ATP9A: variants seen among roughly 807,000 people sequenced by gnomAD.
ATP9A encodes the protein probable phospholipid-transporting ATPase IIA.
In ATP9A, 52 loss-of-function variants were observed where a neutral mutation model predicts 144.1. The ratio of observed to expected loss-of-function variants is 0.36; its 90% CI spans 0.29 to 0.45. The LOEUF (loss-of-function observed/expected upper bound fraction) is 0.45, where lower values mean the gene tolerates loss of function less well. Ranked by LOEUF, ATP9A falls within the 20% of genes least tolerant of loss-of-function variation. The pLI is 1.00. For synonymous variants in ATP9A, 582 were observed against 557.4 expected, an observed-to-expected ratio of 1.04 and a Z score of -0.62; for missense variants, 947 against 1,392.7, an observed-to-expected ratio of 0.68 and a Z score of 5.09.
At chr20:51,615,587 A>G (rs903183007) in intron 22 of ATP9A, among the ~76,000 whole-genome samples, 5 of 152,242 alleles carry the variant, frequency 3.3e-5, no homozygotes, top group African/African-American at 1.2e-4. Context: ...AGTGTTACTC[A>G]TTTGATGCAG....
chr20:51,746,904 G>A (rs2122896934), intron 1 of ATP9A, among the ~76,000 whole-genome samples: 1 of 152,066 alleles, frequency 6.6e-6, no homozygotes, highest in South Asian at 2.1e-4. Flanking sequence ...TACTCCAGAG[G>A]CTGAGGCAGG....
chr20:51,691,559 C>A (rs920669218), intron 7 of ATP9A, among the ~76,000 whole-genome samples: 13 of 152,164 alleles, frequency 8.5e-5, no homozygotes, highest in African/African-American at 2.7e-4. Flanking sequence ...AGTAAGAACG[C>A]CTCCCACCCG....
intron 23 of ATP9A, 98 bp from the exon 24 acceptor site, chr20:51,610,263 G>T: frequency 2.2e-6 from 2 of 919,226 alleles, no homozygotes; most frequent in African/African-American, 1.6e-5. Context: ...TAACACCCGC[G>T]CCGGCACTGC....
chr20:51,654,440 C>A (rs1253004975), intron 14 of ATP9A, among the ~76,000 whole-genome samples: 2 of 151,886 alleles, frequency 1.3e-5, no homozygotes. Context: ...ACTTTAGGAG[C>A]CCCATTCTTC....
At chr20:51,736,259 C>T (rs866085324) in intron 1 of ATP9A, among the ~76,000 whole-genome samples, 2 of 152,084 alleles carry the variant, frequency 1.3e-5, no homozygotes, top group Admixed American at 6.6e-5. Context: ...AGATGGGGGG[C>T]GGACAACACA....
At chr20:51,651,336 A>G (rs1973926) in intron 14 of ATP9A, among the ~76,000 whole-genome samples, 1 of 80,732 alleles carries the variant, frequency 1.2e-5, no homozygotes, top group South Asian at 3.8e-4. Context: ...ATATTTACAT[A>G]ATATATTATA....
At chr20:51,737,836 G>A (rs764347000) in intron 1 of ATP9A, among the ~76,000 whole-genome samples, 3 of 152,020 alleles carry the variant, frequency 2.0e-5, no homozygotes, top group Non-Finnish European at 4.4e-5. Context: ...ACACCTCCAC[G>A]GGACAGGCAG....
chr20:51,765,813 C>T (rs1005404375), intron 1 of ATP9A, among the ~76,000 whole-genome samples: 2 of 151,880 alleles, frequency 1.3e-5, no homozygotes, highest in African/African-American at 4.8e-5. Flanking sequence ...AAAGATTAGC[C>T]GGGAGTGGTA....
intron 1 of ATP9A, among the ~76,000 whole-genome samples, chr20:51,764,126 G>A (rs945090591): frequency 6.6e-6 from 1 of 152,172 alleles, no homozygotes; most frequent in African/African-American, 2.4e-5. Flanking sequence ...AAAAAACTAT[G>A]AGATACATAA....
intron 4 of ATP9A, among the ~76,000 whole-genome samples, chr20:51,703,987 G>T (rs144642964): frequency 2.7e-4 from 41 of 152,152 alleles, no homozygotes; most frequent in African/African-American, 8.9e-4. Flanking sequence ...ATTTCCTGAG[G>T]TTGACATTAA....
chr20:51,604,386 G>T (rs983012445), intron 27 of ATP9A, among the ~76,000 whole-genome samples: 2 of 152,106 alleles, frequency 1.3e-5, no homozygotes, highest in Non-Finnish European at 2.9e-5. Flanking sequence ...GCTCTATCAG[G>T]ACACAGCAGC....
chr20:51,746,208 A>G lies in ATP9A; in HGVS notation c.69-16230T>C, dbSNP rs185380315. ...AGAGGGTGGGAGGAGGGAGAAGAGC[A>G]GAAAAGATAACTGTTGGGCACTGGG... On this transcript the variant is annotated intron_variant, in intron 1 of 27. Coordinates refer to ENST00000338821, the MANE Select transcript of ATP9A (RefSeq NM_006045.3). Among the ~76,000 whole-genome samples, 323 of 152,332 alleles carry G rather than the reference A, an allele frequency of 2.1e-3. 1 individual carries two copies. The highest frequency in any genetic ancestry group is 7.5e-3 in the African/African-American group (313 of 41,580).
chr20:51,737,056 CAG>C (rs1190215826), intron 1 of ATP9A, among the ~76,000 whole-genome samples: 5 of 152,086 alleles, frequency 3.3e-5, no homozygotes, highest in African/African-American at 1.2e-4. Flanking sequence ...CCAGAGGACT[CAG>C]TGACCTGCCC....
At chr20:51,602,854 C>T (rs1385519565) in intron 27 of ATP9A, among the ~76,000 whole-genome samples, 1 of 152,164 alleles carries the variant, frequency 6.6e-6, no homozygotes, top group African/African-American at 2.4e-5. Flanking sequence ...CACAGGTATA[C>T]TGTGTATCTG....
At chr20:51,679,924 T>C (rs1307215134) in intron 9 of ATP9A, among the ~76,000 whole-genome samples, 3 of 152,100 alleles carry the variant, frequency 2.0e-5, no homozygotes, top group South Asian at 4.2e-4. Flanking sequence ...GTATAGACCA[T>C]GGAGGCACTA....
intron 1 of ATP9A, 37 bp downstream of exon 1, chr20:51,768,263 GGC>G: frequency 8.2e-7 from 1 of 1,221,394 alleles, no homozygotes; most frequent in Non-Finnish European, 1.0e-6. Context: ...GGCTCCGGGA[GGC>G]GCGGACAAAG....
chr20:51,623,113 C>T (rs964759810), intron 18 of ATP9A, among the ~76,000 whole-genome samples: 68 of 152,124 alleles, frequency 4.5e-4, no homozygotes, highest in Admixed American at 4.6e-4. Context: ...AGGAAGGCAC[C>T]GGGCACCTCT....
chr20:51,696,087 G>A lies in ATP9A; in HGVS notation c.547+6C>T, dbSNP rs768192831. 3.7e-6 allele frequency: 6 copies of A among 1,611,932 alleles called. No individual in the cohort carries two copies. Among genetic ancestry groups the A allele is most frequent in the South Asian group, 1.1e-5 (1 of 91,006 alleles). ...GTTATTTTCCAAATTGATCTCAGAT[G>A]TTTACCGTTTTTTTCTGATGTCCTC... On this transcript the variant is annotated splice_donor_region_variant and intron_variant, in intron 6 of 27. Transcript: ENST00000338821.
In ATP9A at chr20:51,657,045, G is replaced by A; in HGVS notation, c.1399C>T (p.His467Tyr). The change falls in exon 14 of 28, where the codon CAC becomes TAC. Residue 467 changes from histidine (H) to tyrosine (Y), a missense_variant. Transcript: ENST00000338821. ...GACTCATACACGGGAGTCACGTTGT[G>A]GCAGAGCGCGATGGCCTTCACGGCT... Reference protein sequence around the residue: ...HEAVKAIALCHNVTPVYESNG... With the variant: ...HEAVKAIALCYNVTPVYESNG... The A allele has an allele frequency of 1.2e-6, 2 of 1,614,180 alleles. No individual in the cohort carries two copies. Among genetic ancestry groups the A allele is most frequent in the Non-Finnish European group, 1.7e-6 (2 of 1,180,036 alleles).
Sources: allele counts gnomAD v4.1 joint callset (sites outside exome capture counted in the v4.1 genomes callset), GRCh38; gene constraint gnomAD v4.1.1; transcripts MANE v1.5; gene names NCBI Gene and HGNC (gene_info 2026-07-23, HGNC 2026-07-21).